The following ATXN10 variants were observed in gnomAD, a reference collection of about 807,000 sequenced individuals.
ATXN10 encodes the protein ataxin-10.
In ATXN10, 28 loss-of-function variants were observed where a neutral mutation model predicts 52.9. The ratio of observed to expected loss-of-function variants is 0.53; its 90% CI spans 0.39 to 0.73. The LOEUF is 0.73. Among genes scored for constraint, ATXN10 ranks in the 30% least tolerant of loss-of-function variants. ATXN10 has a pLI of 0.00. For synonymous variants in ATXN10, 226 were observed against 221.5 expected (o/e 1.02, Z -0.18); for missense variants, 565 against 577.0 (o/e 0.98, Z 0.21).
At chr22:45,802,231 T>C (rs973692298) in intron 9 of ATXN10, among the ~76,000 whole-genome samples, 1 of 152,214 alleles carries the variant, frequency 6.6e-6, no homozygotes, top group Non-Finnish European at 1.5e-5. Context: ...TTGACTGAGC[T>C]TGGCTCCTCA....
intron 3 of ATXN10, among the ~76,000 whole-genome samples, chr22:45,694,970 AAC>A (rs1438370131): frequency 6.7e-6 from 1 of 150,206 alleles, no homozygotes; most frequent in African/African-American, 2.5e-5. Context: ...AAAAAAACAA[AAC>A]CCCAGAAAAT....
Position 45,700,283 on chromosome 22 carries a change from T to C in ATXN10, c.393T>C (p.Ala131=), listed in dbSNP as rs2146751941. ...LRVEQESLLT[A]FRCGLQFLGN... ...TTTATAACTTTTATATATTCTTAGC[T>C]TTTCGCTGTGGCCTGCAGTTTTTAG... The change falls in exon 4 of 12, where the codon GCT becomes GCC. Residue 131 remains alanine, a splice_region_variant and synonymous_variant. Transcript: ENST00000252934. 6.2e-7 allele frequency: 1 copy of C among 1,608,212 alleles called. No homozygotes were observed. The highest frequency in any genetic ancestry group is 8.5e-7 in the Non-Finnish European group (1 of 1,174,818).
intron 9 of ATXN10, among the ~76,000 whole-genome samples, chr22:45,746,625 A>G (rs760336172): frequency 1.3e-5 from 2 of 152,116 alleles, no homozygotes; most frequent in Non-Finnish European, 2.9e-5. Flanking sequence ...GCCAGCTTCT[A>G]TATTCTCAGC....
intron 10 of ATXN10, among the ~76,000 whole-genome samples, chr22:45,832,742 A>G (rs1056404754): frequency 3.9e-5 from 6 of 152,254 alleles, no homozygotes; most frequent in African/African-American, 1.2e-4. Flanking sequence ...CTCCAACGCC[A>G]GTCTAAATAT....
chr22:45,756,182 C>A (rs1926168932), intron 9 of ATXN10, among the ~76,000 whole-genome samples: 1 of 151,820 alleles, frequency 6.6e-6, no homozygotes, highest in Non-Finnish European at 1.5e-5. Flanking sequence ...GTTGTGCTTT[C>A]TCACCCAGGC....
In ATXN10 at chr22:45,732,049, G is replaced by A. The variant is rs1925107693; in HGVS notation, c.894+2459G>A. Among the ~76,000 whole-genome samples the A allele has an allele frequency of 6.6e-6, 1 of 152,164 alleles. No homozygotes were observed. The highest frequency in any genetic ancestry group is 2.4e-5 in the African/African-American group (1 of 41,406). On this transcript the variant is annotated intron_variant, in intron 7 of 11. Coordinates refer to ENST00000252934, the MANE Select transcript of ATXN10 (RefSeq NM_013236.4). This position sits in a 1 kb window ranked among gnomAD's most constrained non-coding sequence, Gnocchi z 4.5. The stretch of plus-strand genomic sequence containing the variant: ...TCTGTTTAAAATATAGGTGATTTCA[G>A]TATTGTAGTGAGAAATTCCTGGTGT...
chr22:45,693,576 A>G (rs1923470109), intron 3 of ATXN10, among the ~76,000 whole-genome samples: 2 of 152,156 alleles, frequency 1.3e-5, no homozygotes. Flanking sequence ...TCACTTCCCA[A>G]AGGCCCCATC....
In ATXN10 at chr22:45,774,714, C is replaced by G. The variant is rs1926892430; in HGVS notation, c.1174-32245C>G. 6.6e-6 allele frequency among the ~76,000 whole-genome samples: 1 copy of G among 152,186 alleles called. No homozygotes were observed. Among genetic ancestry groups the G allele is most frequent in the Non-Finnish European group, 1.5e-5 (1 of 68,028 alleles). ...TTGGGAGGCTGAGGTGAGCGGATCA[C>G]TTGAGGCCAGGAGTTTGAGACCAGC... On this transcript the variant is annotated intron_variant, in intron 9 of 11. Transcript: ENST00000252934. The surrounding 1 kb of genome is among the most constrained non-coding windows in gnomAD (Gnocchi z 6.2).
intron 10 of ATXN10, among the ~76,000 whole-genome samples, chr22:45,836,174 T>G (rs1488467731): frequency 6.6e-5 from 10 of 152,146 alleles, no homozygotes; most frequent in Admixed American, 6.5e-4. Flanking sequence ...GCACCATAAA[T>G]TAGACTTGTA....
chr22:45,797,165 C>G (rs1456637932), intron 9 of ATXN10, among the ~76,000 whole-genome samples: 1 of 152,134 alleles, frequency 6.6e-6, no homozygotes, highest in Non-Finnish European at 1.5e-5. Flanking sequence ...AATTACAGAA[C>G]AAGCTGAAAG....
rs1056178691 is a variant in ATXN10, at chr22:45,708,822, G to T, written c.647+5975G>T. Among the ~76,000 whole-genome samples the T allele has an allele frequency of 5.3e-5, 8 of 152,046 alleles. No homozygotes were observed. The highest frequency in any genetic ancestry group is 1.9e-4 in the African/African-American group (8 of 41,396). On this transcript the variant is annotated intron_variant, in intron 5 of 11. Transcript: ENST00000252934. The surrounding 1 kb of genome is among the most constrained non-coding windows in gnomAD (Gnocchi z 5.3). ...GCCTGGCTAATTTTTTGTATTTTTGGTAGAGATGGGGTTTCATCATGTCAG... is the reference window on the plus strand; with the variant it reads ...GCCTGGCTAATTTTTTGTATTTTTGTTAGAGATGGGGTTTCATCATGTCAG...
rs1359106249 is a variant in ATXN10 at position 45,772,330 on chromosome 22, A to G, written c.1173+31792A>G. 1.3e-5 allele frequency among the ~76,000 whole-genome samples: 2 copies of G among 152,148 alleles called. No individual in the cohort carries two copies. The highest frequency in any genetic ancestry group is 1.5e-5 in the Non-Finnish European group (1 of 68,026). Reference sequence around the variant, plus strand: ...TCTAGCAGCATTTGTTAAAAAGACTATCCTTTTTTGTTCATTGAATTGCTT... The same window carrying G: ...TCTAGCAGCATTTGTTAAAAAGACTGTCCTTTTTTGTTCATTGAATTGCTT... On this transcript the variant is annotated intron_variant, in intron 9 of 11. Transcript: ENST00000252934. The surrounding 1 kb of genome is among the most constrained non-coding windows in gnomAD (Gnocchi z 4.1).
intron 9 of ATXN10, among the ~76,000 whole-genome samples, chr22:45,799,262 T>C (rs978469308): frequency 1.3e-5 from 2 of 152,180 alleles, no homozygotes; most frequent in African/African-American, 4.8e-5. Context: ...TAAAAATTGA[T>C]GAGCTGGTTT....
At position 45,816,021 on chromosome 22, in the gene ATXN10, G is replaced by A. The variant is rs1371376880; in HGVS notation, c.1237+8999G>A. Among the ~76,000 whole-genome samples, 1 of 152,100 alleles carries A rather than the reference G, an allele frequency of 6.6e-6. No homozygotes were observed. Among genetic ancestry groups the A allele is most frequent in the Admixed American group, 6.5e-5 (1 of 15,276 alleles). ...TCCTAGCACTTTGGGAGGCTGAGGT[G>A]TGTGCATCACTTGAGGTCAGGAGTT... On this transcript the variant is annotated intron_variant, in intron 10 of 11. Transcript: ENST00000252934. This position sits in a 1 kb window ranked among gnomAD's most constrained non-coding sequence, Gnocchi z 5.8.
In ATXN10 at chr22:45,750,973, C is replaced by G. The variant is rs555320613; in HGVS notation, c.1173+10435C>G. ...TGAGACAGAGTCTTGCTTTGTTGCC[C>G]AGGCTGGAGTGCAGTGGTGTGATCT... On this transcript the variant is annotated intron_variant, in intron 9 of 11. Coordinates refer to ENST00000252934, the MANE Select transcript of ATXN10 (RefSeq NM_013236.4). This position sits in a 1 kb window ranked among gnomAD's most constrained non-coding sequence, Gnocchi z 4.2. Among the ~76,000 whole-genome samples the G allele has an allele frequency of 5.3e-5, 8 of 152,180 alleles. No individual in the cohort carries two copies. In the East Asian group the frequency reaches 1.5e-3, roughly 29 times the overall value.
At chr22:45,743,624 T>C (rs562637209) in intron 9 of ATXN10, among the ~76,000 whole-genome samples, 12 of 152,334 alleles carry the variant, frequency 7.9e-5, no homozygotes, top group African/African-American at 2.9e-4. Context: ...GCTCCAAGAC[T>C]AAAGATCTGA....
intron 9 of ATXN10, among the ~76,000 whole-genome samples, chr22:45,800,215 C>T (rs1038171175): frequency 6.6e-6 from 1 of 152,050 alleles, no homozygotes; most frequent in Non-Finnish European, 1.5e-5. Flanking sequence ...AAAATATTTG[C>T]AATACATATA....
chr22:45,842,970 A>T lies in ATXN10; in HGVS notation c.1238-21A>T. 6.2e-7 allele frequency: 1 copy of T among 1,611,974 alleles called. No homozygotes were observed. Among genetic ancestry groups the T allele is most frequent in the Non-Finnish European group, 8.5e-7 (1 of 1,178,012 alleles). On this transcript the variant is annotated intron_variant, in intron 10 of 11. Transcript: ENST00000252934. This position sits in a 1 kb window ranked among gnomAD's most constrained non-coding sequence, Gnocchi z 4.8. Reference sequence around the variant, plus strand: ...ATCAAACAGGAAAGTACGTTGTCACATTCCTTCACTCTGGCTCCAGTTCTG... The same window carrying T: ...ATCAAACAGGAAAGTACGTTGTCACTTTCCTTCACTCTGGCTCCAGTTCTG...
chr22:45,819,599 C>T lies in ATXN10; in HGVS notation c.1237+12577C>T, dbSNP rs544615014. ...GATCACAGCAGTCCCATGCAGGAAGCTTTACCTTCAGGAAAGCTGCTGGAT... is the reference window on the plus strand; with the variant it reads ...GATCACAGCAGTCCCATGCAGGAAGTTTTACCTTCAGGAAAGCTGCTGGAT... On this transcript the variant is annotated intron_variant, in intron 10 of 11. Transcript: ENST00000252934. The surrounding 1 kb of genome is among the most constrained non-coding windows in gnomAD (Gnocchi z 4.5). Among the ~76,000 whole-genome samples, 13 of 152,308 alleles carry T rather than the reference C, an allele frequency of 8.5e-5. No individual in the cohort carries two copies. The South Asian group carries it at 1.0e-3, about 12-fold the overall frequency.
Sources: allele counts gnomAD v4.1 joint callset (sites outside exome capture counted in the v4.1 genomes callset), GRCh38; gene constraint gnomAD v4.1.1; non-coding constraint Gnocchi (gnomAD v3.1); transcripts MANE v1.5; gene names NCBI Gene and HGNC (gene_info 2026-07-23, HGNC 2026-07-21).